Variants in ERCC2 observed in about 807,000 individuals in gnomAD.
The protein encoded by ERCC2 is ERCC excision repair 2, TFIIH core complex helicase subunit.
In ERCC2, 90 loss-of-function variants were observed where a neutral mutation model predicts 99.4. That is an observed-to-expected ratio of 0.91 (90% CI 0.76 to 1.08). The LOEUF (loss-of-function observed/expected upper bound fraction) is 1.08, where lower values mean the gene tolerates loss of function less well. ERCC2 is among the 50% of genes least tolerant of loss of function. The probability of loss-of-function intolerance (pLI) is 0.00; values close to 1 mark genes in which losing one functional copy is unlikely to be tolerated. For missense variants in ERCC2, 993 were observed against 1,038.1 expected, an observed-to-expected ratio of 0.96 and a Z score of 0.60; for synonymous variants, 497 against 432.4, an observed-to-expected ratio of 1.15 and a Z score of -1.85.
Position 45,364,422 on chromosome 19 carries a change from AC to A in ERCC2, c.718+1del, listed in dbSNP as rs2123291032. 1 of 1,613,822 alleles carries A rather than the reference AC, an allele frequency of 6.2e-7. No homozygotes were observed. Among genetic ancestry groups the A allele is most frequent in the African/African-American group, 1.3e-5 (1 of 75,018 alleles). On this transcript the variant is annotated splice_donor_variant, in intron 8 of 22. Transcript: ENST00000391945. LOFTEE classifies it high-confidence loss of function. ...CCCTTTGGCCCCTGGCGCCCCCCTC[AC>A]CAATGTTGTGGGCCTCGTCGAAGAC...
intron 11 of ERCC2, chr19:45,361,851 C>T (rs1377744505): frequency 5.1e-6 from 3 of 592,522 alleles, no homozygotes; most frequent in East Asian, 3.1e-5. Flanking sequence ...ATGGCACAGA[C>T]AGAGCAATAA....
At position 45,370,232 on chromosome 19, in the gene ERCC2, C is replaced by A. The variant is rs200443634; in HGVS notation, c.6G>T (p.Lys2Asn). 41 of 1,613,192 alleles carry A rather than the reference C, an allele frequency of 2.5e-5. No individual in the cohort carries two copies. Among genetic ancestry groups the A allele is most frequent in the Non-Finnish European group, 3.5e-5 (41 of 1,179,438 alleles). ...AGACCAGGAGCCCGTCCACGTTGAGCCTGGCGGCAGGGGCTGCTGGGTCAG... is the reference window on the plus strand; with the variant it reads ...AGACCAGGAGCCCGTCCACGTTGAGACTGGCGGCAGGGGCTGCTGGGTCAG... M[K>N]LNVDGLLVYF... is the part of the protein sequence containing the mutation. Residue 2 changes from lysine to asparagine, a missense_variant and splice_region_variant, in exon 2 of 23, where the codon AAG becomes AAT. By Grantham distance (94) the Lys-to-Asn change is moderately conservative. This residue lies in a region of ERCC2 where 55 missense variants were observed against 45.1 expected (regional missense o/e 1.22). Transcript: ENST00000391945.
In ERCC2 at chr19:45,364,010, C is replaced by T. The variant is rs1395652548; in HGVS notation, c.925G>A (p.Val309Met). 1.3e-6 allele frequency: 2 copies of T among 1,547,606 alleles called. No individual in the cohort carries two copies. The highest frequency in any genetic ancestry group is 1.7e-6 in the Non-Finnish European group (2 of 1,148,130). Residue 309 changes from valine (V) to methionine (M), a missense_variant, in exon 10 of 23, where the codon GTG becomes ATG. Val to Met is a conservative substitution (Grantham distance 21). Transcript: ENST00000391945. The stretch of plus-strand genomic sequence containing the variant: ...CCCTGCAGCACTTCGTCGGGCAGCA[C>T]GGGGTTGGCCAGGTGGGCGTCCGTC... ...RETDAHLANPVLPDEVLQEAV... is the reference protein window; with the variant it reads ...RETDAHLANPMLPDEVLQEAV...
chr19:45,364,124 G>C lies in ERCC2; in HGVS notation c.816-5C>G, dbSNP rs1407965161. 6.2e-7 allele frequency: 1 copy of C among 1,611,502 alleles called. No homozygotes were observed. Among genetic ancestry groups the C allele is most frequent in the Non-Finnish European group, 8.5e-7 (1 of 1,179,378 alleles). On this transcript the variant is annotated splice_region_variant and splice_polypyrimidine_tract_variant and intron_variant, in intron 9 of 22. Coordinates refer to ENST00000391945, the MANE Select transcript of ERCC2 (RefSeq NM_000400.4). ...TGCTCGTCTGTCTCTTTGATCCTGCGGAGAGATGAGCTGGGGCTGGGAGGG... is the reference window on the plus strand; with the variant it reads ...TGCTCGTCTGTCTCTTTGATCCTGCCGAGAGATGAGCTGGGGCTGGGAGGG...
Position 45,351,470 on chromosome 19 carries a change from G to A in ERCC2, c.*159C>T, listed in dbSNP as rs370782334. 6 of 1,585,090 alleles carry A rather than the reference G, an allele frequency of 3.8e-6. No homozygotes were observed. The African/African-American group carries it at 8.0e-5, about 21-fold the overall frequency. On this transcript the variant is annotated 3_prime_UTR_variant, in exon 23 of 23. Coordinates refer to ENST00000391945, the MANE Select transcript of ERCC2 (RefSeq NM_000400.4). ...GGCCCCCCCTTGCCTCTGGGTACCT[G>A]GTGGATAGCTGCCTTCTCCTGCGAT...
chr19:45,357,893 G>A (rs891480545), intron 12 of ERCC2, 194 bp from the exon 13 acceptor site: 32 of 634,500 alleles, frequency 5.0e-5, no homozygotes, highest in African/African-American at 1.4e-4. Context: ...CAACCTGTCC[G>A]CTTCGGGCCC....
chr19:45,369,180 G>C, intron 2 of ERCC2, 33 bp from the exon 3 acceptor site: 2 of 1,586,128 alleles, frequency 1.3e-6, no homozygotes, highest in Non-Finnish European at 1.7e-6. Flanking sequence ...GCAACACACA[G>C]GGTCTCAGAA....
intron 1 of ERCC2, 51 bp from the exon 2 acceptor site, chr19:45,370,283 GCCTCCACAGTGCCC>G (rs756340196): frequency 1.2e-5 from 19 of 1,599,254 alleles, no homozygotes; most frequent in Non-Finnish European, 1.6e-5. Context: ...CCCCTCTCCC[GCCTCCACAGTGCCC>G]GGTCGTCGAG....
chr19:45,368,529 C>A (rs1013573353), intron 5 of ERCC2, 101 bp downstream of exon 5: 9 of 798,598 alleles, frequency 1.1e-5, no homozygotes, highest in Non-Finnish European at 2.0e-5. Flanking sequence ...CCACTGCATG[C>A]CTTTGCAAGA....
chr19:45,360,947 A>G (rs570387544), intron 12 of ERCC2, among the ~76,000 whole-genome samples: 2 of 151,590 alleles, frequency 1.3e-5, no homozygotes, highest in African/African-American at 4.8e-5. Flanking sequence ...CCTGGCCAAC[A>G]TGGTGAAACC....
chr19:45,364,456 G>A lies in ERCC2; in HGVS notation c.686C>T (p.Ala229Val), dbSNP rs763125782. The change falls in exon 8 of 23, where the codon GCC becomes GTC. Residue 229 changes from alanine (A) to valine (V), a missense_variant. By Grantham distance (64) the Ala-to-Val change is moderately conservative (BLOSUM62 0). This residue lies in a region of ERCC2 where 909 missense variants were observed against 930.8 expected (regional missense o/e 0.98). Coordinates refer to ENST00000391945, the MANE Select transcript of ERCC2 (RefSeq NM_000400.4). The part of the protein sequence containing the change: ...DLVSKELARK[A>V]VVVFDEAHNI... ...GTGGGCCTCGTCGAAGACCACGACG[G>A]CCTTGCGGGCCAGTTCCTTGGACAC... 6.2e-7 allele frequency: 1 copy of A among 1,614,040 alleles called. No homozygotes were observed. Among genetic ancestry groups the A allele is most frequent in the Non-Finnish European group, 8.5e-7 (1 of 1,180,004 alleles).
intron 17 of ERCC2, among the ~76,000 whole-genome samples, 159 bp from the exon 18 acceptor site, chr19:45,353,493 T>TG (rs1971901311): frequency 2.0e-5 from 3 of 151,730 alleles, no homozygotes; most frequent in South Asian, 4.3e-4. Flanking sequence ...CTCAGTTCTT[T>TG]GGGGAAACAG....
rs1568527274 is a variant in ERCC2, at chr19:45,350,475, C to G, written c.*1154G>C. The G allele has an allele frequency of 1.9e-6, 3 of 1,613,510 alleles. No homozygotes were observed. The highest frequency in any genetic ancestry group is 2.5e-6 in the Non-Finnish European group (3 of 1,179,578). On this transcript the variant is annotated 3_prime_UTR_variant, in exon 23 of 23. Coordinates refer to ENST00000391945, the MANE Select transcript of ERCC2 (RefSeq NM_000400.4). ...TCTGTCTTCCCTCCTGGTGGCTTCTCTATGTCCCCATCTCAGTGTCCCCCA... is the reference window on the plus strand; with the variant it reads ...TCTGTCTTCCCTCCTGGTGGCTTCTGTATGTCCCCATCTCAGTGTCCCCCA...
intron 17 of ERCC2, among the ~76,000 whole-genome samples, chr19:45,354,257 G>GC (rs1971935230): frequency 6.6e-6 from 1 of 152,196 alleles, no homozygotes; most frequent in African/African-American, 2.4e-5. Flanking sequence ...TTTCCAGAAT[G>GC]CCCCACGACC....
chr19:45,353,319 T>C lies in ERCC2; in HGVS notation c.1681A>G (p.Ile561Val), dbSNP rs1971891817. Reference sequence around the variant, plus strand: ...ATAAAGAGCAGCTTGTTCCTCTGGATGTTCTCAAGGATCCCCTGGGGAAGG... The same window carrying C: ...ATAAAGAGCAGCTTGTTCCTCTGGACGTTCTCAAGGATCCCCTGGGGAAGG... ...SWYEQGILEN[I>V]QRNKLLFIET... is the part of the protein sequence containing the mutation. Residue 561 changes from isoleucine (I) to valine (V), a missense_variant, in exon 18 of 23, where the codon ATC (isoleucine) becomes GTC (valine). By Grantham distance (29) the Ile-to-Val change is conservative (BLOSUM62 3). This residue lies in a region of ERCC2 where 909 missense variants were observed against 930.8 expected (regional missense o/e 0.98). Transcript: ENST00000391945. 3 of 1,613,796 alleles carry C rather than the reference T, an allele frequency of 1.9e-6. No individual in the cohort carries two copies. The highest frequency in any genetic ancestry group is 2.5e-6 in the Non-Finnish European group (3 of 1,179,922).
chr19:45,364,390 C>G (rs777467346), intron 8 of ERCC2, 34 bp downstream of exon 8: 10 of 1,613,756 alleles, frequency 6.2e-6, no homozygotes, highest in African/African-American at 1.3e-5. Context: ...CTCAGAGGGG[C>G]TGGCATCCCT....
intron 7 of ERCC2, 81 bp from the exon 8 acceptor site, chr19:45,364,628 T>G: frequency 6.4e-7 from 1 of 1,574,358 alleles, no homozygotes; most frequent in Non-Finnish European, 8.7e-7. Flanking sequence ...GGCCCGTCAC[T>G]CCCACACAGG....
At position 45,369,066 on chromosome 19, in the gene ERCC2, TCA is replaced by T; in HGVS notation, c.183+2_183+3del. On this transcript the variant is annotated splice_donor_variant and splice_donor_region_variant and intron_variant, in intron 3 of 22. Coordinates refer to ENST00000391945, the MANE Select transcript of ERCC2 (RefSeq NM_000400.4). LOFTEE classifies it high-confidence loss of function. ...TGCCTTTACGGGTTCAGCGCATCAC[TCA>T]CTCTCTGGTATGCCATGATCAGGGC... 6.2e-7 allele frequency: 1 copy of T among 1,614,038 alleles called. No individual in the cohort carries two copies. Among genetic ancestry groups the T allele is most frequent in the Non-Finnish European group, 8.5e-7 (1 of 1,179,916 alleles).
rs1054453469 is a variant in ERCC2 at position 45,365,141 on chromosome 19, A to G, written c.378T>C (p.Phe126=). Residue 126 remains phenylalanine (F), a synonymous_variant, in exon 6 of 23, where the codon TTT becomes TTC. Coordinates refer to ENST00000391945, the MANE Select transcript of ERCC2 (RefSeq NM_000400.4). The part of the protein sequence containing the change: ...CIHPEVTPLR[F]GKDVDGKCHS... Reference sequence around the variant, plus strand: ...GGCATTTCCCATCGACGTCCTTCCCAAAGCGCAGGGGTGTCACCTGGGGGT... The same window carrying G: ...GGCATTTCCCATCGACGTCCTTCCCGAAGCGCAGGGGTGTCACCTGGGGGT... 6.2e-7 allele frequency: 1 copy of G among 1,614,134 alleles called. No homozygotes were observed. The highest frequency in any genetic ancestry group is 1.7e-4 in the Middle Eastern group (1 of 6,060).
Sources: allele counts gnomAD v4.1 joint callset (sites outside exome capture counted in the v4.1 genomes callset), GRCh38; gene constraint gnomAD v4.1.1; regional missense constraint gnomAD v4.1.1; transcripts MANE v1.5; gene names NCBI Gene and HGNC (gene_info 2026-07-23, HGNC 2026-07-21).